PRAG1: variants seen among roughly 807,000 people sequenced by gnomAD.
PRAG1 encodes the protein inactive tyrosine-protein kinase PRAG1.
PRAG1 carries 110 observed loss-of-function variants against 95.6 expected under a neutral mutation model. The observed-to-expected ratio is 1.15, with a 90% CI of 0.99 to 1.35. The LOEUF is 1.35. PRAG1 is among the 40% of genes most tolerant of loss of function. The pLI, the probability that PRAG1 is intolerant of heterozygous loss-of-function variation, is 0.00. For synonymous variants in PRAG1, 1,052 were observed against 819.4 expected, an observed-to-expected ratio of 1.28 and a Z score of -4.85; for missense variants, 2,554 against 1,864.7, an observed-to-expected ratio of 1.37 and a Z score of -6.81.
chr8:8,378,173 A>G, intron 2 of PRAG1, 95 bp from the exon 3 acceptor site: 1 of 1,421,978 alleles, frequency 7.0e-7, no homozygotes, highest in African/African-American at 1.4e-5. Context: ...ACGATACTGT[A>G]GAATGTCTTC....
intron 5 of PRAG1, among the ~76,000 whole-genome samples, chr8:8,325,112 G>C (rs1335360476): frequency 6.6e-6 from 1 of 152,198 alleles, no homozygotes; most frequent in African/African-American, 2.4e-5. Flanking sequence ...CGCTGGCTGG[G>C]AAGGGAGACC....
intron 3 of PRAG1, among the ~76,000 whole-genome samples, chr8:8,350,197 C>T (rs1465882799): frequency 6.6e-6 from 1 of 152,144 alleles, no homozygotes; most frequent in African/African-American, 2.4e-5. Flanking sequence ...CAAAGAAGTG[C>T]TGGGCTGCCT....
rs187484343 is a variant in PRAG1, at chr8:8,365,579, G to A, written c.2162+10668C>T. ...TTGGAGGTTGTGGTGAGCTGACATCGCGCCATTGCACTCCAGCCTGGGCAA... is the reference window on the plus strand; with the variant it reads ...TTGGAGGTTGTGGTGAGCTGACATCACGCCATTGCACTCCAGCCTGGGCAA... On this transcript the variant is annotated intron_variant, in intron 3 of 5. Transcript: ENST00000615670. Among the ~76,000 whole-genome samples the A allele has an allele frequency of 4.9e-3, 747 of 151,970 alleles. 5 individuals carry two copies. The highest frequency in any genetic ancestry group is 6.9e-3 in the Non-Finnish European group (466 of 67,968).
At chr8:8,332,579 G>T (rs547163428) in intron 4 of PRAG1, among the ~76,000 whole-genome samples, 3 of 152,156 alleles carry the variant, frequency 2.0e-5, no homozygotes, top group East Asian at 1.9e-4. Context: ...TCCAGGTGTG[G>T]AATTACAGCT....
At position 8,381,401 on chromosome 8, in the gene PRAG1, G is replaced by A. The variant is rs771182667; in HGVS notation, c.330+17C>T. 1 of 1,593,212 alleles carries A rather than the reference G, an allele frequency of 6.3e-7. No individual in the cohort carries two copies. Among genetic ancestry groups the A allele is most frequent in the Non-Finnish European group, 8.6e-7 (1 of 1,164,978 alleles). Reference sequence around the variant, plus strand: ...AGCAGCCCCTGTAAAAATACCACGAGTGTTAGTCAGCCTCACCTGCGAGAC... The same window carrying A: ...AGCAGCCCCTGTAAAAATACCACGAATGTTAGTCAGCCTCACCTGCGAGAC... On this transcript the variant is annotated intron_variant, in intron 2 of 5. Transcript: ENST00000615670.
chr8:8,354,849 A>C (rs1799635678), intron 3 of PRAG1, among the ~76,000 whole-genome samples: 1 of 152,172 alleles, frequency 6.6e-6, no homozygotes, highest in Non-Finnish European at 1.5e-5. Flanking sequence ...ATGTTTTTCC[A>C]TTAAGATCCA....
intron 3 of PRAG1, among the ~76,000 whole-genome samples, chr8:8,343,938 AT>A (rs1237369603): frequency 6.6e-6 from 1 of 152,136 alleles, no homozygotes; most frequent in Non-Finnish European, 1.5e-5. Context: ...ATGGGAAAAA[AT>A]AATTATAGTA....
At chr8:8,352,607 G>A (rs1455229185) in intron 3 of PRAG1, among the ~76,000 whole-genome samples, 2 of 152,104 alleles carry the variant, frequency 1.3e-5, no homozygotes, top group East Asian at 3.8e-4. Flanking sequence ...GTTCTTAAGT[G>A]CAGAGAAGTG....
At chr8:8,359,931 A>G (rs984513418) in intron 3 of PRAG1, among the ~76,000 whole-genome samples, 2 of 152,232 alleles carry the variant, frequency 1.3e-5, no homozygotes, top group Admixed American at 1.3e-4. Context: ...TGATCTTGAT[A>G]TTTAACTTCC....
chr8:8,380,289 A>G (rs536717504), intron 2 of PRAG1, among the ~76,000 whole-genome samples: 16 of 151,526 alleles, frequency 1.1e-4, no homozygotes, highest in African/African-American at 3.4e-4. Flanking sequence ...ATAAATAAAT[A>G]AAATAAAAAT....
Position 8,328,136 on chromosome 8 carries a change from C to T in PRAG1, c.2646G>A (p.Leu882=). The T allele has an allele frequency of 1.2e-6, 2 of 1,614,204 alleles. No homozygotes were observed. Among genetic ancestry groups the T allele is most frequent in the Non-Finnish European group, 1.7e-6 (2 of 1,180,020 alleles). ...HHPVFSSSDP[L]EKAFKGSGHW... is the part of the protein sequence containing the mutation. Reference sequence around the variant, plus strand: ...GGCCACTGCCTTTGAAAGCTTTCTCCAGAGGATCGGAAGAGGAGAAGACAG... The same window carrying T: ...GGCCACTGCCTTTGAAAGCTTTCTCTAGAGGATCGGAAGAGGAGAAGACAG... The change falls in exon 5 of 6, where the codon CTG becomes CTA. Residue 882 remains leucine, a synonymous_variant. Transcript: ENST00000615670.
chr8:8,322,771 T>G (rs1425744170), intron 5 of PRAG1, among the ~76,000 whole-genome samples: 1 of 152,150 alleles, frequency 6.6e-6, no homozygotes, highest in Non-Finnish European at 1.5e-5. Flanking sequence ...TGATAATAAC[T>G]CTCTCAACCA....
intron 2 of PRAG1, among the ~76,000 whole-genome samples, chr8:8,381,005 G>A (rs1330760971): frequency 6.6e-6 from 1 of 152,102 alleles, no homozygotes; most frequent in East Asian, 1.9e-4. Context: ...GTGTGAGGGA[G>A]GTGAAATAAG....
Position 8,375,253 on chromosome 8 carries a change from G to T in PRAG1, c.2162+994C>A, listed in dbSNP as rs111930991. Reference sequence around the variant, plus strand: ...CAGTCTCACTCTGTCGCCCAGGCTGGAGTGCAGTGGCACCATCTCGGCTCA... The same window carrying T: ...CAGTCTCACTCTGTCGCCCAGGCTGTAGTGCAGTGGCACCATCTCGGCTCA... On this transcript the variant is annotated intron_variant, in intron 3 of 5. Coordinates refer to ENST00000615670, the MANE Select transcript of PRAG1 (RefSeq NM_001080826.3). Among the ~76,000 whole-genome samples the T allele has an allele frequency of 4.3e-3, 652 of 150,538 alleles. 4 individuals carry two copies. The highest frequency in any genetic ancestry group is 0.015 in the African/African-American group (631 of 40,768).
At chr8:8,373,594 C>T (rs1228190325) in intron 3 of PRAG1, among the ~76,000 whole-genome samples, 1 of 152,062 alleles carries the variant, frequency 6.6e-6, no homozygotes, top group Non-Finnish European at 1.5e-5. Flanking sequence ...GGATGACAGG[C>T]ATGTGCCACC....
chr8:8,381,208 G>T (rs146440993), intron 2 of PRAG1, among the ~76,000 whole-genome samples: 139 of 152,302 alleles, frequency 9.1e-4, no homozygotes, highest in African/African-American at 3.2e-3. Context: ...AATTCTGGGG[G>T]ACTGGATTAA....
chr8:8,354,284 G>A (rs954236885), intron 3 of PRAG1, among the ~76,000 whole-genome samples: 2 of 151,792 alleles, frequency 1.3e-5, no homozygotes, highest in Admixed American at 6.6e-5. Flanking sequence ...AATTAAAAAC[G>A]TTCCAACGAA....
chr8:8,377,730 G>T lies in PRAG1; in HGVS notation c.679C>A (p.Pro227Thr). 1.2e-6 allele frequency: 2 copies of T among 1,614,034 alleles called. No individual in the cohort carries two copies. Among genetic ancestry groups the T allele is most frequent in the Non-Finnish European group, 1.7e-6 (2 of 1,180,026 alleles). The stretch of plus-strand genomic sequence containing the variant: ...TCCGAGGGCAGGGATTCCCGCAGGG[G>T]CCCAGGGCCCTGGTGACAGCCAGAT... ...TTSGCHQGPG[P>T]LRESLPSEDD... is the part of the protein sequence containing the mutation. The change falls in exon 3 of 6, where the codon CCC becomes ACC. Residue 227 changes from proline (P) to threonine (T), a missense_variant. Pro to Thr is a conservative substitution (Grantham distance 38, BLOSUM62 -1). Coordinates refer to ENST00000615670, the MANE Select transcript of PRAG1 (RefSeq NM_001080826.3).
chr8:8,318,240 G>C lies in PRAG1; in HGVS notation c.4135C>G (p.Leu1379Val). 6.2e-7 allele frequency: 1 copy of C among 1,614,184 alleles called. No individual in the cohort carries two copies. ...KAVDRRRGVE[L>V]EDWLCCQYLA... is the part of the protein sequence containing the mutation. ...TACTGGCAGCAAAGCCAGTCCTCCAGCTCCACGCCCCGCCTGCGATCCACC... is the reference window on the plus strand; with the variant it reads ...TACTGGCAGCAAAGCCAGTCCTCCACCTCCACGCCCCGCCTGCGATCCACC... The change falls in exon 6 of 6, where the codon CTG becomes GTG. Residue 1379 changes from leucine (L) to valine (V), a missense_variant. Coordinates refer to ENST00000615670, the MANE Select transcript of PRAG1 (RefSeq NM_001080826.3). This position sits in a 1 kb window ranked among gnomAD's most constrained non-coding sequence, Gnocchi z 4.2.
Sources: gnomAD v4.1 joint callset for allele counts (sites outside exome capture counted in the v4.1 genomes callset) on GRCh38, gnomAD v4.1.1 for gene constraint, Gnocchi (gnomAD v3.1) non-coding constraint, MANE v1.5 for transcripts, NCBI Gene and HGNC (gene_info 2026-07-23, HGNC 2026-07-21) for gene names.